Variants in CCDC9 observed in about 807,000 individuals in gnomAD.
CCDC9 encodes coiled-coil domain-containing protein 9.
CCDC9 carries 52 observed loss-of-function variants against 65.6 expected under a neutral mutation model. The ratio of observed to expected loss-of-function variants is 0.79; its 90% CI spans 0.63 to 1.00. The LOEUF (loss-of-function observed/expected upper bound fraction) is 1.00. CCDC9 is among the 50% of genes least tolerant of loss of function. The pLI is 0.00. For synonymous variants in CCDC9, 332 were observed against 280.3 expected (o/e 1.18, Z -1.84); for missense variants, 834 against 757.2 (o/e 1.10, Z -1.19).
At chr19:47,264,530 G>C in intron 5 of CCDC9, 73 bp from the exon 6 acceptor site, 1 of 1,413,106 alleles carries the variant, frequency 7.1e-7, no homozygotes, top group Non-Finnish European at 9.8e-7. Context: ...AGGCCTGCTG[G>C]GCAGCCCGTC....
intron 7 of CCDC9, 135 bp downstream of exon 7, chr19:47,265,081 G>A (rs1600283918): frequency 2.9e-6 from 2 of 680,610 alleles, no homozygotes; most frequent in Non-Finnish European, 4.2e-6. Flanking sequence ...TTTTTGAGAC[G>A]GATTCTCGCT....
At chr19:47,267,166 G>T (rs1046016630) in intron 8 of CCDC9, among the ~76,000 whole-genome samples, 6 of 151,962 alleles carry the variant, frequency 3.9e-5, no homozygotes, top group African/African-American at 1.5e-4. Context: ...GGGTTTCACC[G>T]TGTTAGCCAG....
In CCDC9 at chr19:47,267,117, A is replaced by G. The variant is rs541945242; in HGVS notation, c.902+325A>G. 3.0e-3 allele frequency among the ~76,000 whole-genome samples: 450 copies of G among 151,826 alleles called. 1 individual carries two copies. Among genetic ancestry groups the G allele is most frequent in the Non-Finnish European group, 5.0e-3 (339 of 67,966 alleles). On this transcript the variant is annotated intron_variant, in intron 8 of 11. Transcript: ENST00000221922. ...ATAGCTGGGACTACAGGCGTCCGCC[A>G]CCACGTCCAACTAATTTTTTGTATT... is the stretch of plus-strand genomic sequence containing the variant.
At position 47,264,965 on chromosome 19, in the gene CCDC9, G is replaced by A; in HGVS notation, c.720+19G>A. 1 of 1,434,928 alleles carries A rather than the reference G, an allele frequency of 7.0e-7. No individual in the cohort carries two copies. Among genetic ancestry groups the A allele is most frequent in the Non-Finnish European group, 9.1e-7 (1 of 1,097,928 alleles). 88.9% of individuals were successfully genotyped at this position (1,434,928 alleles called of 1,614,324 possible). ...GCGGCAGGTGGGTGTTGGCAGTGAG[G>A]ACACCTCGGGGCTCTCAGGGCTTTG... On this transcript the variant is annotated intron_variant, in intron 7 of 11. Coordinates refer to ENST00000221922, the MANE Select transcript of CCDC9 (RefSeq NM_015603.3).
In CCDC9 at chr19:47,270,665, C is replaced by G; in HGVS notation, c.1062C>G (p.Ala354=). 6.2e-7 allele frequency: 1 copy of G among 1,611,790 alleles called. No individual in the cohort carries two copies. The highest frequency in any genetic ancestry group is 8.5e-7 in the Non-Finnish European group (1 of 1,179,888). ...RRRRKSSRPQ[A]KAAPRAYSDH... ...GGAGAAAGAGCAGTCGGCCCCAGGC[C>G]AAGGCAGCGCCCAGGGCCTACAGGT... The change falls in exon 10 of 12, where the codon GCC becomes GCG. Residue 354 remains alanine, a synonymous_variant. Coordinates refer to ENST00000221922, the MANE Select transcript of CCDC9 (RefSeq NM_015603.3).
intron 5 of CCDC9, among the ~76,000 whole-genome samples, chr19:47,263,857 C>T (rs929051170): frequency 4.0e-5 from 6 of 151,436 alleles, no homozygotes; most frequent in South Asian, 4.2e-4. Context: ...AGCCACTGTG[C>T]CCGACCCGTT....
intron 1 of CCDC9, among the ~76,000 whole-genome samples, chr19:47,257,107 T>G (rs2059015257): frequency 6.8e-6 from 1 of 147,312 alleles, no homozygotes; most frequent in South Asian, 2.2e-4. Flanking sequence ...AAGTTTCGTC[T>G]GAGCCACGGG....
intron 8 of CCDC9, among the ~76,000 whole-genome samples, chr19:47,267,879 G>A (rs1455178242): frequency 6.6e-6 from 1 of 150,718 alleles, no homozygotes; most frequent in Admixed American, 6.6e-5. Flanking sequence ...ACGGAGTCTC[G>A]CACTGTTGCC....
chr19:47,268,924 T>A (rs7254560), intron 8 of CCDC9, among the ~76,000 whole-genome samples: 76,673 of 147,436 alleles, frequency 0.52, 20,522 homozygotes, highest in East Asian at 0.67. Flanking sequence ...TTTCAAAAAA[T>A]AATAATAATA....
chr19:47,257,989 C>CACT (rs138446835), intron 1 of CCDC9: 143 of 243,588 alleles, frequency 5.9e-4, no homozygotes, highest in African/African-American at 3.1e-3. Context: ...CCCGGGCTAA[C>CACT]ACTCATACCA....
intron 5 of CCDC9, among the ~76,000 whole-genome samples, chr19:47,261,082 T>C (rs1381362237): frequency 6.6e-6 from 1 of 151,940 alleles, no homozygotes; most frequent in Admixed American, 6.6e-5. Flanking sequence ...CCTTGTCTCT[T>C]TCTCTCCTAC....
At position 47,271,080 on chromosome 19, in the gene CCDC9, A is replaced by G; in HGVS notation, c.1086-2A>G. 1 of 1,544,664 alleles carries G rather than the reference A, an allele frequency of 6.5e-7. No homozygotes were observed. The highest frequency in any genetic ancestry group is 8.7e-7 in the Non-Finnish European group (1 of 1,145,318). ...CATCACCCCTCCCTCTGTTCCCTCT[A>G]GTGACCATGATGACCGCTGGGAGAC... On this transcript the variant is annotated splice_acceptor_variant, in intron 10 of 11. Coordinates refer to ENST00000221922, the MANE Select transcript of CCDC9 (RefSeq NM_015603.3). LOFTEE classifies it high-confidence loss of function.
downstream of CCDC9, chr19:47,274,672 A>C: frequency 1.6e-5 from 3 of 186,418 alleles, no homozygotes; most frequent in Non-Finnish European, 8.9e-6. Flanking sequence ...TGGTGGGGCT[A>C]AGCGCGGGGG....
Position 47,258,397 on chromosome 19 carries a change from C to T in CCDC9, c.-4C>T, listed in dbSNP as rs1285909625. On this transcript the variant is annotated 5_prime_UTR_variant, in exon 2 of 12. Coordinates refer to ENST00000221922, the MANE Select transcript of CCDC9 (RefSeq NM_015603.3). ...TGGGACCTTGGCTCCACGCAGCCAG[C>T]GAAATGGTGAGGCTGAAAAATGGGG... is the stretch of plus-strand genomic sequence containing the variant. The T allele has an allele frequency of 8.1e-6, 13 of 1,613,662 alleles. No individual in the cohort carries two copies. The highest frequency in any genetic ancestry group is 1.1e-5 in the Non-Finnish European group (13 of 1,179,922).
chr19:47,266,580 T>G, intron 7 of CCDC9, 31 bp from the exon 8 acceptor site: 2 of 1,488,614 alleles, frequency 1.3e-6, no homozygotes, highest in Non-Finnish European at 1.8e-6. Context: ...GTGCGGGACA[T>G]CACCCTGACT....
downstream of CCDC9, chr19:47,275,015 G>T (rs1274963272): frequency 2.0e-6 from 3 of 1,482,684 alleles, no homozygotes; most frequent in African/African-American, 1.5e-5. Flanking sequence ...GCTTGGCTCC[G>T]GTATGCGCCT....
Position 47,260,753 on chromosome 19 carries a change from G to GGGGGCCGTGGCCGGA in CCDC9, c.384_398dup (p.Arg131_Arg135dup). 6.2e-7 allele frequency: 1 copy of GGGGGCCGTGGCCGGA among 1,608,264 alleles called. No homozygotes were observed. The highest frequency in any genetic ancestry group is 8.5e-7 in the Non-Finnish European group (1 of 1,177,706). ...GGAGCAGCCTCGAGGAGGAGGAGCT[G>GGGGGCCGTGGCCGGA]GGGGCCGTGGCCGGAGGGGCCGGGG... On this transcript the variant is annotated inframe_insertion, in exon 5 of 12. Transcript: ENST00000221922.
chr19:47,256,759 G>T (rs1399584354), intron 1 of CCDC9, 150 bp downstream of exon 1: 7 of 147,308 alleles, frequency 4.8e-5, no homozygotes, highest in African/African-American at 1.7e-4. Flanking sequence ...GAGGGGCGCT[G>T]GCGGGGCGGG....
intron 7 of CCDC9, among the ~76,000 whole-genome samples, chr19:47,265,774 G>C (rs1426767246): frequency 6.7e-6 from 1 of 149,488 alleles, no homozygotes; most frequent in Non-Finnish European, 1.5e-5. Flanking sequence ...TGCAAGCTCC[G>C]ACTCCCGGGT....
Sources: gnomAD v4.1 joint callset for allele counts (sites outside exome capture counted in the v4.1 genomes callset) on GRCh38, gnomAD v4.1.1 for gene constraint, MANE v1.5 for transcripts, NCBI Gene and HGNC (gene_info 2026-07-23, HGNC 2026-07-21) for gene names.